The following PKHD1 variants were observed in gnomAD, a reference collection of about 807,000 sequenced individuals.
PKHD1 encodes PKHD1 ciliary IPT domain containing fibrocystin/polyductin.
A neutral mutation model predicts 412.0 loss-of-function variants in PKHD1; 291 were observed. The observed-to-expected ratio is 0.71, with a 90% CI of 0.64 to 0.78. The LOEUF (loss-of-function observed/expected upper bound fraction) is 0.78. Ranked by LOEUF, PKHD1 falls within the 30% of genes least tolerant of loss-of-function variation. The probability of loss-of-function intolerance (pLI) is 0.00; values close to 1 mark genes in which losing one functional copy is unlikely to be tolerated. For missense variants in PKHD1, 4,825 were observed against 4,950.7 expected, an observed-to-expected ratio of 0.97 and a Z score of 0.76; for synonymous variants, 1,777 against 1,821.5, an observed-to-expected ratio of 0.98 and a Z score of 0.62.
Position 51,996,202 on chromosome 6 carries a change from G to T in PKHD1, c.5751+14107C>A, listed in dbSNP as rs185860574. ...TTTTTTTTTTTTTCAGTAGAGATGG[G>T]GTTTCACTGCATTGGCCAGGATAGT... is the stretch of plus-strand genomic sequence containing the variant. On this transcript the variant is annotated intron_variant, in intron 35 of 66. Transcript: ENST00000371117. Among the ~76,000 whole-genome samples the T allele has an allele frequency of 3.3e-4, 49 of 148,710 alleles. No individual in the cohort carries two copies. In the East Asian group the frequency reaches 9.2e-3, roughly 28 times the overall value.
intron 63 of PKHD1, among the ~76,000 whole-genome samples, chr6:51,643,007 T>A (rs1364122932): frequency 1.3e-5 from 2 of 151,766 alleles, no homozygotes; most frequent in Admixed American, 6.6e-5. Context: ...GGGAGGTGAG[T>A]TCCAGTAGTC....
chr6:51,909,919 T>A (rs1316691902), intron 39 of PKHD1, among the ~76,000 whole-genome samples: 1 of 152,132 alleles, frequency 6.6e-6, no homozygotes, highest in Non-Finnish European at 1.5e-5. Flanking sequence ...CCCATTACTG[T>A]GCTGTTTTAT....
At chr6:51,844,033 A>G (rs1458572972) in intron 50 of PKHD1, among the ~76,000 whole-genome samples, 1 of 152,242 alleles carries the variant, frequency 6.6e-6, no homozygotes, top group African/African-American at 2.4e-5. Flanking sequence ...AGGTTATAAC[A>G]TATACACTGA....
rs552721971 is a variant in PKHD1, at chr6:52,048,622, G to A, written c.2280-3C>T. On this transcript the variant is annotated splice_region_variant and splice_polypyrimidine_tract_variant and intron_variant, in intron 22 of 66. Transcript: ENST00000371117. ...CTGTTCCTTCAGTGGGCACAGAGCT[G>A]TGGCACGTCAGAAACAAAGTATTAA... 3.7e-6 allele frequency: 6 copies of A among 1,614,104 alleles called. No homozygotes were observed. In the South Asian group the frequency reaches 4.4e-5, roughly 12 times the overall value.
intron 34 of PKHD1, among the ~76,000 whole-genome samples, chr6:52,014,044 G>A (rs1336875804): frequency 1.3e-5 from 2 of 152,184 alleles, no homozygotes; most frequent in Non-Finnish European, 2.9e-5. Context: ...GTGACTTTGG[G>A]AAATTACTTA....
chr6:51,657,771 C>A (rs923808878), intron 61 of PKHD1, among the ~76,000 whole-genome samples: 1 of 152,026 alleles, frequency 6.6e-6, no homozygotes, highest in Admixed American at 6.6e-5. Flanking sequence ...TCTGATGTAC[C>A]TCTATTGCTT....
rs538867151 is a variant in PKHD1, at chr6:52,071,007, G to A, written c.666C>T (p.Ile222=). The change falls in exon 9 of 67, where the codon ATC becomes ATT. Residue 222 remains isoleucine (I), a splice_region_variant and synonymous_variant. Coordinates refer to ENST00000371117, the MANE Select transcript of PKHD1 (RefSeq NM_138694.4). ...TLQCHVEGDY[I]GSQNVSFSVF... is the part of the protein sequence containing the mutation. ...AATTATGTTACTTCTCTAACAGACC[G>A]ATGTAGTCGCCTTCCACATGGCACT... The A allele has an allele frequency of 3.7e-5, 58 of 1,578,410 alleles. 1 individual carries two copies. The South Asian group carries it at 5.4e-4, about 15-fold the overall frequency.
At chr6:51,831,047 A>G (rs1329632778) in intron 51 of PKHD1, 58 bp from the exon 52 acceptor site, 1 of 1,368,520 alleles carries the variant, frequency 7.3e-7, no homozygotes, top group East Asian at 2.4e-5. Context: ...TCCAAATTCT[A>G]TCCTTATTTT....
chr6:51,939,498 G>A (rs1489666718), intron 36 of PKHD1, among the ~76,000 whole-genome samples: 1 of 151,210 alleles, frequency 6.6e-6, no homozygotes, highest in Admixed American at 6.6e-5. Flanking sequence ...AAACCTAAAT[G>A]CCTTATTTTC....
chr6:51,731,852 T>C (rs1030448180), intron 60 of PKHD1, among the ~76,000 whole-genome samples: 1 of 152,196 alleles, frequency 6.6e-6, no homozygotes, highest in Non-Finnish European at 1.5e-5. Flanking sequence ...TAATTTTAAT[T>C]AATTATAATT....
chr6:52,075,846 C>T (rs769975400), intron 6 of PKHD1, among the ~76,000 whole-genome samples: 3 of 151,948 alleles, frequency 2.0e-5, no homozygotes, highest in Non-Finnish European at 4.4e-5. Context: ...TCTTCAACTG[C>T]AAAATGGGAA....
chr6:52,059,867 T>C (rs1366792737), intron 15 of PKHD1, 61 bp downstream of exon 15: 1 of 842,914 alleles, frequency 1.2e-6, no homozygotes, highest in Non-Finnish European at 2.1e-6. Flanking sequence ...TTTGATTCTT[T>C]CTTTCTTCAT....
chr6:51,757,452 G>C (rs1351335815), intron 55 of PKHD1, among the ~76,000 whole-genome samples: 4 of 152,066 alleles, frequency 2.6e-5, no homozygotes, highest in South Asian at 4.2e-4. Flanking sequence ...CCAGCCAGAT[G>C]AATCAGTTCA....
intron 52 of PKHD1, among the ~76,000 whole-genome samples, chr6:51,817,669 C>G (rs1644256511): frequency 6.6e-6 from 1 of 152,182 alleles, no homozygotes; most frequent in Admixed American, 6.5e-5. Context: ...TCTATTCAAT[C>G]CACCATGCCT....
In PKHD1 at chr6:51,885,953, G is replaced by A. The variant is rs1396840215; in HGVS notation, c.7129C>T (p.Pro2377Ser). ...SCTRYGLFVY[P>S]KFQPPWDNVT... ...TTATCCCAAGGTGGCTGAAATTTAG[G>A]GTATACAAAGAGACCATACCTAAAA... The change falls in exon 45 of 67, where the codon CCT (proline) becomes TCT (serine). Residue 2377 changes from proline to serine, a missense_variant. Coordinates refer to ENST00000371117, the MANE Select transcript of PKHD1 (RefSeq NM_138694.4). The A allele has an allele frequency of 6.2e-7, 1 of 1,604,194 alleles. No individual in the cohort carries two copies. The highest frequency in any genetic ancestry group is 1.1e-5 in the South Asian group (1 of 90,834).
Position 51,736,449 on chromosome 6 carries a change from G to A in PKHD1, c.10156+7936C>T, listed in dbSNP as rs1003435531. Among the ~76,000 whole-genome samples the A allele has an allele frequency of 9.2e-5, 14 of 152,246 alleles. No individual in the cohort carries two copies. In the East Asian group the frequency reaches 1.2e-3, roughly 13 times the overall value. On this transcript the variant is annotated intron_variant, in intron 60 of 66. Transcript: ENST00000371117. ...TCTGAACGATGTACCACTAGAAGCC[G>A]TATCCCCCCCTGCTTGGGATTAAAA...
At chr6:51,657,169 C>T (rs1301424161) in intron 61 of PKHD1, among the ~76,000 whole-genome samples, 1 of 151,114 alleles carries the variant, frequency 6.6e-6, no homozygotes, top group Non-Finnish European at 1.5e-5. Flanking sequence ...TTTCTGCTGG[C>T]TTAAGGTCAG....
chr6:51,848,492 T>G (rs1771613981), intron 49 of PKHD1, among the ~76,000 whole-genome samples: 1 of 152,156 alleles, frequency 6.6e-6, no homozygotes, highest in African/African-American at 2.4e-5. Flanking sequence ...ATTTTTACAT[T>G]GAGGAAACTG....
intron 60 of PKHD1, among the ~76,000 whole-genome samples, chr6:51,692,884 C>T (rs1272529291): frequency 6.6e-6 from 1 of 152,052 alleles, no homozygotes; most frequent in Non-Finnish European, 1.5e-5. Flanking sequence ...TTATTAGAGG[C>T]CTTTATTTTC....
Sources: allele counts gnomAD v4.1 joint callset (sites outside exome capture counted in the v4.1 genomes callset), GRCh38; gene constraint gnomAD v4.1.1; transcripts MANE v1.5; gene names NCBI Gene and HGNC (gene_info 2026-07-23, HGNC 2026-07-21).